Variants in HDGFL2 observed in about 807,000 individuals in gnomAD.
HDGFL2 encodes HDGF like 2, also known as hepatoma-derived growth factor-related protein 2.
HDGFL2 carries 36 observed loss-of-function variants against 77.1 expected under a neutral mutation model. The ratio of observed to expected loss-of-function variants is 0.47; its 90% CI spans 0.36 to 0.62. The LOEUF (loss-of-function observed/expected upper bound fraction) is 0.62, where lower values mean the gene tolerates loss of function less well. HDGFL2 is among the 20% of genes least tolerant of loss of function. The pLI is 0.00. For missense variants in HDGFL2, 976 were observed against 973.4 expected (o/e 1.00, Z -0.04); for synonymous variants, 463 against 413.1 (o/e 1.12, Z -1.46).
intron 14 of HDGFL2, 64 bp from the exon 15 acceptor site, chr19:4,501,127 G>C: frequency 6.2e-7 from 1 of 1,602,444 alleles, no homozygotes; most frequent in Non-Finnish European, 8.5e-7. Flanking sequence ...TCCTTGACAG[G>C]CAAGGGTTCT....
At chr19:4,482,107 A>C (rs1294309800) in intron 3 of HDGFL2, among the ~76,000 whole-genome samples, 1 of 129,234 alleles carries the variant, frequency 7.7e-6, no homozygotes, top group Non-Finnish European at 1.5e-5. Flanking sequence ...ATCTCGGTTC[A>C]CTGCAAGCTC....
intron 10 of HDGFL2, chr19:4,497,098 C>T (rs1975724138): frequency 2.3e-6 from 1 of 430,894 alleles, no homozygotes; most frequent in Non-Finnish European, 4.6e-6. Context: ...TGGTCTCGAT[C>T]TCCTGACCCC....
intron 15 of HDGFL2, chr19:4,501,602 C>A: frequency 2.1e-6 from 1 of 475,840 alleles, no homozygotes. Flanking sequence ...AGGTAGGCCC[C>A]GAGCACGGGC....
At position 4,491,573 on chromosome 19, in the gene HDGFL2, T is replaced by G; in HGVS notation, c.497T>G (p.Val166Gly). 1.2e-6 allele frequency: 2 copies of G among 1,613,362 alleles called. No homozygotes were observed. Among genetic ancestry groups the G allele is most frequent in the Non-Finnish European group, 1.7e-6 (2 of 1,179,816 alleles). Residue 166 changes from valine (V) to glycine (G), a missense_variant, in exon 5 of 16, where the codon GTC becomes GGC. Val to Gly is a moderately radical substitution (Grantham distance 109). Coordinates refer to ENST00000616600, the MANE Select transcript of HDGFL2 (RefSeq NM_001001520.3). Reference sequence around the variant, plus strand: ...AGGCCGTTCCCCTTCCAGATGTCGGTCTCGAAACGAGCCCGAAAGGCCTCC... The same window carrying G: ...AGGCCGTTCCCCTTCCAGATGTCGGGCTCGAAACGAGCCCGAAAGGCCTCC... ...KRKTPALKMSVSKRARKASSD... is the reference protein window; with the variant it reads ...KRKTPALKMSGSKRARKASSD...
intron 3 of HDGFL2, among the ~76,000 whole-genome samples, chr19:4,480,096 T>C (rs950687590): frequency 6.6e-6 from 1 of 152,088 alleles, no homozygotes; most frequent in Non-Finnish European, 1.5e-5. Context: ...GCAGCATCTC[T>C]GGCCTCTGCT....
In HDGFL2 at chr19:4,498,861, G is replaced by T; in HGVS notation, c.1521G>T (p.Gln507His). The stretch of plus-strand genomic sequence containing the variant: ...CCCTAGAGGAGCTGGGAACCCTGCA[G>T]GTGACCTCTCAGATCCTCCAGAAGA... ...LNALEELGTL[Q>H]VTSQILQKNT... The change falls in exon 13 of 16, where the codon CAG becomes CAT. Residue 507 changes from glutamine (Q) to histidine (H), a missense_variant. By Grantham distance (24) the Gln-to-His change is conservative. Coordinates refer to ENST00000616600, the MANE Select transcript of HDGFL2 (RefSeq NM_001001520.3). 1 of 1,612,242 alleles carries T rather than the reference G, an allele frequency of 6.2e-7. No homozygotes were observed. The highest frequency in any genetic ancestry group is 1.1e-5 in the South Asian group (1 of 90,704).
At chr19:4,478,494 C>T (rs117650950) in intron 3 of HDGFL2, among the ~76,000 whole-genome samples, 3,776 of 152,130 alleles carry the variant, frequency 0.025, 87 homozygotes, top group Non-Finnish European at 0.039. Context: ...AGCCACCACA[C>T]CCAGCCCAGG....
In HDGFL2 at chr19:4,491,712, G is replaced by A. The variant is rs1975518719; in HGVS notation, c.606+30G>A. Reference sequence around the variant, plus strand: ...GCCAGTGGCTCCTTGGGATGGCAGGGAAGCGTGGTGGCTGCCAGTGGGCCC... The same window carrying A: ...GCCAGTGGCTCCTTGGGATGGCAGGAAAGCGTGGTGGCTGCCAGTGGGCCC... On this transcript the variant is annotated intron_variant, in intron 5 of 15. Transcript: ENST00000616600. The A allele has an allele frequency of 3.1e-6, 5 of 1,612,548 alleles. No homozygotes were observed. In the African/African-American group the frequency reaches 4.0e-5, roughly 13 times the overall value.
Position 4,491,582 on chromosome 19 carries a change from G to A in HDGFL2, c.506G>A (p.Arg169Gln). Residue 169 changes from arginine to glutamine, a missense_variant, in exon 5 of 16, where the codon CGA (arginine) becomes CAA (glutamine). By Grantham distance (43) the Arg-to-Gln change is conservative. Transcript: ENST00000616600. ...TPALKMSVSK[R>Q]ARKASSDLDQ... is the part of the protein sequence containing the mutation. The stretch of plus-strand genomic sequence containing the variant: ...CCCTTCCAGATGTCGGTCTCGAAAC[G>A]AGCCCGAAAGGCCTCCAGCGACCTG... The A allele has an allele frequency of 6.2e-7, 1 of 1,613,722 alleles. No homozygotes were observed. The highest frequency in any genetic ancestry group is 8.5e-7 in the Non-Finnish European group (1 of 1,179,994).
In HDGFL2 at chr19:4,496,321, A is replaced by G. The variant is rs752716715; in HGVS notation, c.1244A>G (p.Lys415Arg). ...CTATAGGCCAAGAAATCAGCGAAGA[A>G]GCCGCAGTCCTCAAGCACAGAGCCC... ...LEREAKKSAK[K>R]PQSSSTEPAR... is the part of the protein sequence containing the mutation. Residue 415 changes from lysine (K) to arginine (R), a missense_variant, in exon 10 of 16, where the codon AAG (lysine) becomes AGG (arginine). Transcript: ENST00000616600. 3.7e-6 allele frequency: 6 copies of G among 1,614,022 alleles called. No individual in the cohort carries two copies. In the Admixed American group the frequency reaches 5.0e-5, roughly 13 times the overall value.
chr19:4,487,589 T>G (rs1330448634), intron 3 of HDGFL2, among the ~76,000 whole-genome samples: 1 of 152,146 alleles, frequency 6.6e-6, no homozygotes, highest in Admixed American at 6.6e-5. Flanking sequence ...ACGCCCGTGT[T>G]TTCTTCCTGC....
intron 3 of HDGFL2, among the ~76,000 whole-genome samples, chr19:4,485,136 C>T (rs757454474): frequency 6.6e-6 from 1 of 152,154 alleles, no homozygotes; most frequent in Non-Finnish European, 1.5e-5. Context: ...ACAAAGGAAT[C>T]CTCTACCTGC....
At position 4,472,324 on chromosome 19, in the gene HDGFL2, C is replaced by G; in HGVS notation, c.-27C>G. On this transcript the variant is annotated 5_prime_UTR_variant, in exon 1 of 16. Coordinates refer to ENST00000616600, the MANE Select transcript of HDGFL2 (RefSeq NM_001001520.3). ...CCGCTACCGCCGCTGCAGCCGCTTT[C>G]CGCGGCCTGGGCCTCTCGCCGTCAG... The G allele has an allele frequency of 1.4e-6, 2 of 1,477,926 alleles. No individual in the cohort carries two copies. The highest frequency in any genetic ancestry group is 1.8e-6 in the Non-Finnish European group (2 of 1,114,636). 91.6% of individuals were successfully genotyped at this position (1,477,926 alleles called of 1,614,324 possible).
rs544200048 is a variant in HDGFL2 at position 4,473,111 on chromosome 19, C to G, written c.72+689C>G. Among the ~76,000 whole-genome samples the G allele has an allele frequency of 9.1e-4, 131 of 144,460 alleles. 1 individual carries two copies. In the South Asian group the frequency reaches 0.029, roughly 32 times the overall value. 94.8% of individuals were successfully genotyped at this position (144,460 alleles called of 152,430 possible). ...CCGCGCGCCGACGGTCTGGGGGTCC[C>G]GGGCCCGAGGAAGCGGTGCCCTGGG... On this transcript the variant is annotated intron_variant, in intron 1 of 15. Coordinates refer to ENST00000616600, the MANE Select transcript of HDGFL2 (RefSeq NM_001001520.3).
At chr19:4,472,567 G>A (rs1397998566) in intron 1 of HDGFL2, 145 bp downstream of exon 1, 4 of 506,070 alleles carry the variant, frequency 7.9e-6, no homozygotes, top group Non-Finnish European at 9.5e-6. Flanking sequence ...GGGGTCTGGG[G>A]GTGTCCGAGA....
chr19:4,485,659 G>T (rs1045552013), intron 3 of HDGFL2, among the ~76,000 whole-genome samples: 2 of 151,604 alleles, frequency 1.3e-5, no homozygotes, highest in South Asian at 4.2e-4. Context: ...GGAGAATGGC[G>T]TGAACCCAGC....
intron 6 of HDGFL2, among the ~76,000 whole-genome samples, chr19:4,493,026 CTGTG>C (rs1179783024): frequency 2.1e-5 from 2 of 94,404 alleles, no homozygotes; most frequent in South Asian, 7.1e-4. Flanking sequence ...TGTGTGTTAT[CTGTG>C]TGTGGTGTGT....
At position 4,481,295 on chromosome 19, in the gene HDGFL2, A is replaced by G. The variant is rs1292298624; in HGVS notation, c.288+5712A>G. 2.1e-5 allele frequency among the ~76,000 whole-genome samples: 3 copies of G among 145,194 alleles called. No individual in the cohort carries two copies. In the East Asian group the frequency reaches 6.1e-4, roughly 29 times the overall value. On this transcript the variant is annotated intron_variant, in intron 3 of 15. Transcript: ENST00000616600. Reference sequence around the variant, plus strand: ...AACCTCCACCTCCTTGATTCATGCTATTCTCCTGCCTCAGCCTCCCGAGTA... The same window carrying G: ...AACCTCCACCTCCTTGATTCATGCTGTTCTCCTGCCTCAGCCTCCCGAGTA...
At chr19:4,500,793 A>G (rs1975850063) in intron 14 of HDGFL2, among the ~76,000 whole-genome samples, 2 of 151,970 alleles carry the variant, frequency 1.3e-5, no homozygotes, top group South Asian at 2.1e-4. Context: ...TTTTGTAGAG[A>G]CAGGGTTGCT....
Sources: allele counts gnomAD v4.1 joint callset (sites outside exome capture counted in the v4.1 genomes callset), GRCh38; gene constraint gnomAD v4.1.1; transcripts MANE v1.5; gene names NCBI Gene and HGNC (gene_info 2026-07-23, HGNC 2026-07-21).